The following JAK2 variants were observed in gnomAD, a reference collection of about 807,000 sequenced individuals.
JAK2 encodes Janus kinase 2, also known as tyrosine-protein kinase JAK2.
A neutral mutation model predicts 139.3 loss-of-function variants in JAK2; 86 were observed. The ratio of observed to expected loss-of-function variants is 0.62; its 90% CI spans 0.52 to 0.74. The LOEUF is 0.74. JAK2 is among the 30% of genes least tolerant of loss of function. The pLI, the probability that JAK2 is intolerant of heterozygous loss-of-function variation, is 0.00. For missense variants in JAK2, 1,421 were observed against 1,360.3 expected (o/e 1.04, Z -0.70); for synonymous variants, 490 against 437.7 (o/e 1.12, Z -1.49).
chr9:5,093,896 T>C (rs1160563774), intron 22 of JAK2, among the ~76,000 whole-genome samples: 1 of 152,148 alleles, frequency 6.6e-6, no homozygotes, highest in Non-Finnish European at 1.5e-5. Flanking sequence ...GGTTGGTTTC[T>C]ATCTGTTTAA....
chr9:5,111,928 C>G, intron 22 of JAK2: 1 of 349,538 alleles, frequency 2.9e-6, no homozygotes, highest in South Asian at 2.2e-5. Flanking sequence ...ATCTACTCTC[C>G]GGATCACTCA....
At chr9:5,027,495 G>C (rs565204763) in intron 3 of JAK2, among the ~76,000 whole-genome samples, 3 of 152,320 alleles carry the variant, frequency 2.0e-5, no homozygotes, top group East Asian at 3.9e-4. Context: ...TGACTGACCA[G>C]GGTGGTGGCT....
chr9:5,112,708 A>AATTTTTG, intron 22 of JAK2: 1 of 853,532 alleles, frequency 1.2e-6, no homozygotes. Context: ...AGCAAGTGCG[A>AATTTTTG]GAGCGGAACC....
At chr9:5,086,445 T>C (rs913776367) in intron 19 of JAK2, among the ~76,000 whole-genome samples, 1 of 152,244 alleles carries the variant, frequency 6.6e-6, no homozygotes, top group African/African-American at 2.4e-5. Context: ...ATCAGCATCA[T>C]TCTCAATCTT....
intron 2 of JAK2, among the ~76,000 whole-genome samples, chr9:5,008,165 T>G (rs1021284059): frequency 4.6e-5 from 7 of 152,228 alleles, no homozygotes; most frequent in Non-Finnish European, 1.0e-4. Context: ...ATATAAATTT[T>G]TTATAGTCTA....
chr9:5,112,608 G>A (rs766739684), intron 22 of JAK2: 121 of 831,486 alleles, frequency 1.5e-4, no homozygotes, highest in Non-Finnish European at 2.1e-4. Flanking sequence ...GAGCTGGGGC[G>A]CATGTGGCAA....
chr9:5,091,159 C>G (rs1332958891), intron 22 of JAK2: 1 of 304,646 alleles, frequency 3.3e-6, no homozygotes. Context: ...TTCTTCAAAA[C>G]TGTCTCCTAT....
At chr9:5,055,926 G>C (rs1051281398) in intron 8 of JAK2, 138 bp downstream of exon 8, 21 of 713,118 alleles carry the variant, frequency 2.9e-5, no homozygotes, top group Non-Finnish European at 4.6e-5. Flanking sequence ...CATCAGTTCA[G>C]TAAACTTTTT....
chr9:5,099,835 C>G (rs946400538), intron 22 of JAK2: 6 of 152,188 alleles, frequency 3.9e-5, no homozygotes, highest in African/African-American at 1.4e-4. Context: ...TTCATTTACA[C>G]CAACTATCCA....
At chr9:5,077,163 G>T (rs185227405) in intron 14 of JAK2, among the ~76,000 whole-genome samples, 2 of 150,946 alleles carry the variant, frequency 1.3e-5, no homozygotes, top group Admixed American at 6.6e-5. Flanking sequence ...TTAAAAACCA[G>T]CCATAATTCA....
intron 22 of JAK2, chr9:5,111,888 T>G: frequency 2.7e-6 from 1 of 363,960 alleles, no homozygotes; most frequent in Non-Finnish European, 5.4e-6. Flanking sequence ...CCAGCAGCTC[T>G]GGGGACGCCC....
intron 4 of JAK2, among the ~76,000 whole-genome samples, chr9:5,038,699 C>G (rs1035654268): frequency 1.3e-5 from 2 of 150,000 alleles, no homozygotes; most frequent in Non-Finnish European, 3.0e-5. Context: ...ATGAATATTT[C>G]TTTTGCACAT....
At chr9:5,098,111 A>G (rs1425345944) in intron 22 of JAK2, 5 of 152,204 alleles carry the variant, frequency 3.3e-5, no homozygotes, top group Non-Finnish European at 7.3e-5. Flanking sequence ...AACTATAACA[A>G]TTGAACAACC....
intron 18 of JAK2, 67 bp downstream of exon 18, chr9:5,080,750 CTAAT>C (rs1192218888): frequency 8.1e-6 from 10 of 1,227,096 alleles, no homozygotes; most frequent in Non-Finnish European, 1.1e-5. Context: ...TGAATCATTA[CTAAT>C]TTTTAATTCC....
intron 6 of JAK2, among the ~76,000 whole-genome samples, chr9:5,053,828 T>A (rs1817582043): frequency 6.6e-6 from 1 of 151,970 alleles, no homozygotes. Context: ...CTTCCTGGAT[T>A]AGATGGTACT....
intron 2 of JAK2, among the ~76,000 whole-genome samples, chr9:5,017,582 T>C (rs1261019145): frequency 1.3e-5 from 2 of 152,234 alleles, no homozygotes; most frequent in Non-Finnish European, 2.9e-5. Context: ...TAATGTTGTT[T>C]GACATCTTTC....
In JAK2 at chr9:5,091,952, G is replaced by C. The variant is rs539021336; in HGVS notation, c.3059+1041G>C. Reference sequence around the variant, plus strand: ...TATAGTTGTTTGGGGGGATGAAGTAGGGATAATACTGTTAGTGATGAGGAA... The same window carrying C: ...TATAGTTGTTTGGGGGGATGAAGTACGGATAATACTGTTAGTGATGAGGAA... On this transcript the variant is annotated intron_variant, in intron 22 of 24. Coordinates refer to ENST00000381652, the MANE Select transcript of JAK2 (RefSeq NM_004972.4). Among the ~76,000 whole-genome samples the C allele has an allele frequency of 1.1e-4, 17 of 152,172 alleles. 1 individual carries two copies. Among genetic ancestry groups the C allele is most frequent in the African/African-American group, 3.9e-4 (16 of 41,512 alleles).
chr9:4,996,962 C>T (rs1820606095), intron 2 of JAK2, among the ~76,000 whole-genome samples: 1 of 126,728 alleles, frequency 7.9e-6, no homozygotes, highest in African/African-American at 3.1e-5. Flanking sequence ...GATGGTTTCA[C>T]TGTCACTCAG....
chr9:5,058,832 ATCT>A (rs1169254031), intron 8 of JAK2, among the ~76,000 whole-genome samples: 1 of 152,126 alleles, frequency 6.6e-6, no homozygotes, highest in African/African-American at 2.4e-5. Flanking sequence ...CCATTTGTAT[ATCT>A]TCTTTGAAGA....
Sources: gnomAD v4.1 joint callset for allele counts (sites outside exome capture counted in the v4.1 genomes callset) on GRCh38, gnomAD v4.1.1 for gene constraint, MANE v1.5 for transcripts, NCBI Gene and HGNC (gene_info 2026-07-23, HGNC 2026-07-21) for gene names.